Variants in OR4N5 observed in about 807,000 individuals in gnomAD.
OR4N5 encodes olfactory receptor 4N5.
For missense variants in OR4N5, 428 were observed against 370.0 expected, an observed-to-expected ratio of 1.16 and a Z score of -1.29; for synonymous variants, 155 against 140.6, an observed-to-expected ratio of 1.10 and a Z score of -0.72.
At chr14:20,139,348 G>C (rs1199741457) in intron 1 of OR4N5, among the ~76,000 whole-genome samples, 1 of 152,086 alleles carries the variant, frequency 6.6e-6, no homozygotes, top group Non-Finnish European at 1.5e-5. Context: ...GAAACCTCTG[G>C]TTCCACACTC....
chr14:20,144,592 T>C lies in OR4N5; in HGVS notation c.857T>C (p.Ile286Thr). The change falls in exon 3 of 3, where the codon ATT (isoleucine) becomes ACT (threonine). Residue 286 changes from isoleucine (I) to threonine (T), a missense_variant. Coordinates refer to ENST00000641086, the MANE Select transcript of OR4N5 (RefSeq NM_001004724.2). The part of the protein sequence containing the change: ...TVIFPLMNPV[I>T]YTLRNQEVKA... ...ATCTTTCCTTTGATGAACCCTGTTA[T>C]TTATACGCTTCGCAACCAGGAGGTG... The C allele has an allele frequency of 4.3e-6, 7 of 1,613,870 alleles. No individual in the cohort carries two copies. The highest frequency in any genetic ancestry group is 5.9e-6 in the Non-Finnish European group (7 of 1,179,884).
chr14:20,142,330 C>T (rs372328904), intron 2 of OR4N5, among the ~76,000 whole-genome samples: 1 of 152,020 alleles, frequency 6.6e-6, no homozygotes, highest in Non-Finnish European at 1.5e-5. Flanking sequence ...GGGGTTTCAC[C>T]ATGTTAGCCA....
In OR4N5 at chr14:20,144,533, A is replaced by G; in HGVS notation, c.798A>G (p.Pro266=). The G allele has an allele frequency of 6.2e-7, 1 of 1,614,050 alleles. No individual in the cohort carries two copies. The highest frequency in any genetic ancestry group is 8.5e-7 in the Non-Finnish European group (1 of 1,179,948). The part of the protein sequence containing the change: ...FIYTCPFQAF[P]ADKVVSLFHT... Reference sequence around the variant, plus strand: ...ACACTTGCCCCTTCCAGGCTTTCCCAGCTGACAAGGTAGTTTCTCTTTTCC... The same window carrying G: ...ACACTTGCCCCTTCCAGGCTTTCCCGGCTGACAAGGTAGTTTCTCTTTTCC... The change falls in exon 3 of 3, where the codon CCA becomes CCG. Residue 266 remains proline, a synonymous_variant. Coordinates refer to ENST00000641086, the MANE Select transcript of OR4N5 (RefSeq NM_001004724.2).
rs1566559813 is a variant in OR4N5 at position 20,144,092 on chromosome 14, C to T, written c.357C>T (p.Ala119=). The change falls in exon 3 of 3, where the codon GCC becomes GCT. Residue 119 remains alanine, a synonymous_variant. Coordinates refer to ENST00000641086, the MANE Select transcript of OR4N5 (RefSeq NM_001004724.2). ...AGEMFLLVVM[A]FDRYIAICRP... ...AGATGTTCCTCCTCGTTGTGATGGCCTTTGACCGCTACATCGCCATCTGCC... is the reference window on the plus strand; with the variant it reads ...AGATGTTCCTCCTCGTTGTGATGGCTTTTGACCGCTACATCGCCATCTGCC... 5 of 1,613,992 alleles carry T rather than the reference C, an allele frequency of 3.1e-6. No homozygotes were observed. The Admixed American group carries it at 5.0e-5, about 16-fold the overall frequency.
chr14:20,141,569 C>T (rs982641345), intron 2 of OR4N5, among the ~76,000 whole-genome samples: 8 of 152,096 alleles, frequency 5.3e-5, no homozygotes, highest in Admixed American at 3.3e-4. Context: ...ATATTACCTA[C>T]GTTTCCCCTG....
At chr14:20,143,685 G>A in intron 2 of OR4N5, 40 bp from the exon 3 acceptor site, 1 of 1,292,662 alleles carries the variant, frequency 7.7e-7, no homozygotes, top group Non-Finnish European at 1.1e-6. Flanking sequence ...ATGAAAAGGT[G>A]GTTATAACAG....
At chr14:20,142,212 G>A (rs1006966111) in intron 2 of OR4N5, among the ~76,000 whole-genome samples, 7 of 151,742 alleles carry the variant, frequency 4.6e-5, no homozygotes, top group Non-Finnish European at 8.8e-5. Context: ...TGCAAGCTCC[G>A]CCTCCTGGGT....
chr14:20,143,674 G>A, intron 2 of OR4N5, 51 bp from the exon 3 acceptor site: 1 of 1,204,342 alleles, frequency 8.3e-7, no homozygotes. Flanking sequence ...ATAGAAAACA[G>A]ATGAAAAGGT....
rs370242839 is a variant in OR4N5, at chr14:20,144,500, T to A, written c.765T>A (p.Ile255=). 5.2e-4 allele frequency: 844 copies of A among 1,613,830 alleles called. No homozygotes were observed. Among genetic ancestry groups the A allele is most frequent in the Non-Finnish European group, 6.7e-4 (795 of 1,179,944 alleles). The change falls in exon 3 of 3, where the codon ATT becomes ATA. Residue 255 remains isoleucine (I), a synonymous_variant. Coordinates refer to ENST00000641086, the MANE Select transcript of OR4N5 (RefSeq NM_001004724.2). ...IIIFLMFGPA[I]FIYTCPFQAF... is the part of the protein sequence containing the mutation. ...TATTTCTCATGTTTGGACCTGCTAT[T>A]TTCATCTACACTTGCCCCTTCCAGG... is the stretch of plus-strand genomic sequence containing the variant.
rs1279956699 is a variant in OR4N5 at position 20,145,049 on chromosome 14, A to G, written c.*387A>G. The G allele has an allele frequency of 6.1e-6, 1 of 165,114 alleles. No individual in the cohort carries two copies. The highest frequency in any genetic ancestry group is 1.8e-4 in the East Asian group (1 of 5,586). 10.2% of individuals were successfully genotyped at this position (165,114 alleles called of 1,614,324 possible). On this transcript the variant is annotated 3_prime_UTR_variant, in exon 3 of 3. Coordinates refer to ENST00000641086, the MANE Select transcript of OR4N5 (RefSeq NM_001004724.2). ...GAGGCCTCAAGTGGTGTTTAGCTGA[A>G]ACCAATATGATTCGAAAGAAACAAC...
Position 20,143,905 on chromosome 14 carries a change from C to G in OR4N5, c.170C>G (p.Ala57Gly), listed in dbSNP as rs760813689. ...FTIKSDPGLT[A>G]PLYFFLGNLA... Reference sequence around the variant, plus strand: ...ATAAAGTCAGACCCTGGGCTCACAGCCCCCCTCTATTTCTTTCTGGGCAAC... The same window carrying G: ...ATAAAGTCAGACCCTGGGCTCACAGGCCCCCTCTATTTCTTTCTGGGCAAC... The change falls in exon 3 of 3, where the codon GCC (alanine) becomes GGC (glycine). Residue 57 changes from alanine to glycine, a missense_variant. Transcript: ENST00000641086. 3.1e-6 allele frequency: 5 copies of G among 1,614,020 alleles called. No homozygotes were observed. Among genetic ancestry groups the G allele is most frequent in the Non-Finnish European group, 4.2e-6 (5 of 1,179,956 alleles).
chr14:20,143,770 T>G lies in OR4N5; in HGVS notation c.35T>G (p.Phe12Cys). 1 of 1,612,774 alleles carries G rather than the reference T, an allele frequency of 6.2e-7. No homozygotes were observed. Among genetic ancestry groups the G allele is most frequent in the Non-Finnish European group, 8.5e-7 (1 of 1,179,422 alleles). Residue 12 changes from phenylalanine to cysteine, a missense_variant, in exon 3 of 3, where the codon TTC (phenylalanine) becomes TGC (cysteine). Transcript: ENST00000641086. Reference protein sequence around the residue: ...ETQNLTVVTEFILLGLTQSQD... With the variant: ...ETQNLTVVTECILLGLTQSQD... ...CAGAACCTCACAGTGGTGACAGAAT[T>G]CATTCTTCTTGGTCTGACCCAGTCT...
At position 20,143,720 on chromosome 14, in the gene OR4N5, T is replaced by G; in HGVS notation, c.-11-5T>G. ...GATAACAATTTGCCCTATTTTATTCTGCAGAGTGAGAAATTATGGAAACAC... is the reference window on the plus strand; with the variant it reads ...GATAACAATTTGCCCTATTTTATTCGGCAGAGTGAGAAATTATGGAAACAC... On this transcript the variant is annotated splice_polypyrimidine_tract_variant and splice_region_variant and intron_variant, in intron 2 of 2. Coordinates refer to ENST00000641086, the MANE Select transcript of OR4N5 (RefSeq NM_001004724.2). 2 of 1,574,332 alleles carry G rather than the reference T, an allele frequency of 1.3e-6. No homozygotes were observed. Among genetic ancestry groups the G allele is most frequent in the Non-Finnish European group, 1.7e-6 (2 of 1,157,000 alleles).
chr14:20,142,910 A>G (rs560623772), intron 2 of OR4N5, among the ~76,000 whole-genome samples: 33 of 152,324 alleles, frequency 2.2e-4, no homozygotes, highest in Admixed American at 3.9e-4. Flanking sequence ...ACATATTCTG[A>G]TAAATTTTGT....
chr14:20,143,918 C>G lies in OR4N5; in HGVS notation c.183C>G (p.Phe61Leu), dbSNP rs750816365. The change falls in exon 3 of 3, where the codon TTC (phenylalanine) becomes TTG (leucine). Residue 61 changes from phenylalanine (F) to leucine (L), a missense_variant. Phe to Leu is a conservative substitution (Grantham distance 22). Transcript: ENST00000641086. ...CTGGGCTCACAGCCCCCCTCTATTTCTTTCTGGGCAACTTGGCCTTACTGG... is the reference window on the plus strand; with the variant it reads ...CTGGGCTCACAGCCCCCCTCTATTTGTTTCTGGGCAACTTGGCCTTACTGG... ...SDPGLTAPLY[F>L]FLGNLALLDA... 85 of 1,613,946 alleles carry G rather than the reference C, an allele frequency of 5.3e-5. No homozygotes were observed. Among genetic ancestry groups the G allele is most frequent in the Non-Finnish European group, 7.2e-5 (85 of 1,179,974 alleles).
chr14:20,139,003 AT>A (rs1878565078), intron 1 of OR4N5, 113 bp downstream of exon 1: 1 of 152,208 alleles, frequency 6.6e-6, no homozygotes, highest in South Asian at 2.1e-4. Flanking sequence ...TGAGAACAGA[AT>A]TCTGCTGCAG....
At position 20,144,846 on chromosome 14, in the gene OR4N5, A is replaced by T; in HGVS notation, c.*184A>T. ...GTAAGATTCCAGGTCTCCTAGATTT[A>T]TATTCAAGGGGATAAATACAGGTTA... On this transcript the variant is annotated 3_prime_UTR_variant, in exon 3 of 3. Transcript: ENST00000641086. 1 of 575,920 alleles carries T rather than the reference A, an allele frequency of 1.7e-6. No individual in the cohort carries two copies. 35.7% of individuals were successfully genotyped at this position (575,920 alleles called of 1,614,324 possible). A position where few individuals can be genotyped will look rare whatever the true frequency, so the allele number is the denominator to read the frequency against.
chr14:20,144,342 A>T lies in OR4N5; in HGVS notation c.607A>T (p.Ser203Cys). Residue 203 changes from serine (S) to cysteine (C), a missense_variant, in exon 3 of 3, where the codon AGT becomes TGT. Coordinates refer to ENST00000641086, the MANE Select transcript of OR4N5 (RefSeq NM_001004724.2). ...FVVELLMVSN[S>C]GLLSLLCFLG... The stretch of plus-strand genomic sequence containing the variant: ...GGTGGAGCTTCTGATGGTCTCCAAC[A>T]GTGGCCTGCTCAGCCTCCTGTGCTT... 1 of 1,613,996 alleles carries T rather than the reference A, an allele frequency of 6.2e-7. No individual in the cohort carries two copies. The highest frequency in any genetic ancestry group is 8.5e-7 in the Non-Finnish European group (1 of 1,180,000).
chr14:20,144,748 T>A lies in OR4N5; in HGVS notation c.*86T>A, dbSNP rs530791896. On this transcript the variant is annotated 3_prime_UTR_variant, in exon 3 of 3. Transcript: ENST00000641086. ...CTCATTCATGCATTGAATCAGTCAG[T>A]CATTTAGCAAGTATTATAATTATTA... The A allele has an allele frequency of 3.5e-5, 29 of 818,592 alleles. No homozygotes were observed. The East Asian group carries it at 7.3e-4, about 21-fold the overall frequency. The allele number at this position is 818,592 out of a possible 1,614,324, so 50.7% of individuals were successfully genotyped here.
Sources: gnomAD v4.1 joint callset for allele counts (sites outside exome capture counted in the v4.1 genomes callset) on GRCh38, gnomAD v4.1.1 for gene constraint, MANE v1.5 for transcripts, NCBI Gene and HGNC (gene_info 2026-07-23, HGNC 2026-07-21) for gene names.